The following GREB1 variants were observed in gnomAD, a reference collection of about 807,000 sequenced individuals.
The protein encoded by GREB1 is growth regulating estrogen receptor binding 1.
GREB1 carries 106 observed loss-of-function variants against 200.7 expected under a neutral mutation model. The ratio of observed to expected loss-of-function variants is 0.53; its 90% CI spans 0.45 to 0.62. The LOEUF is 0.62. Among genes scored for constraint, GREB1 ranks in the 20% least tolerant of loss-of-function variants. The pLI is 0.00. For synonymous variants in GREB1, 1,132 were observed against 1,092.4 expected, an observed-to-expected ratio of 1.04 and a Z score of -0.72; for missense variants, 2,243 against 2,556.8, an observed-to-expected ratio of 0.88 and a Z score of 2.65.
chr2:11,636,393 C>T (rs1685317502), intron 30 of GREB1, among the ~76,000 whole-genome samples: 1 of 152,200 alleles, frequency 6.6e-6, no homozygotes, highest in African/African-American at 2.4e-5. Context: ...ATTATTGAAA[C>T]ATAATCTTAA....
chr2:11,620,856 C>A (rs370293380), intron 22 of GREB1, 49 bp from the exon 23 acceptor site: 5 of 1,106,406 alleles, frequency 4.5e-6, no homozygotes, highest in Non-Finnish European at 6.9e-6. Flanking sequence ...GTGCCTGGCA[C>A]GCGGATGGGG....
chr2:11,618,973 TC>T, intron 22 of GREB1, 54 bp downstream of exon 22: 2 of 1,412,326 alleles, frequency 1.4e-6, no homozygotes, highest in Non-Finnish European at 1.9e-6. Flanking sequence ...GTCCTCACAC[TC>T]CCATCTGGAG....
In GREB1 at chr2:11,629,870, C is replaced by G. The variant is rs542240003; in HGVS notation, c.4450-78C>G. 1.4e-6 allele frequency: 2 copies of G among 1,432,864 alleles called. No homozygotes were observed. The highest frequency in any genetic ancestry group is 1.4e-5 in the African/African-American group (1 of 71,688). The allele number at this position is 1,432,864 out of a possible 1,614,324, so 88.8% of individuals were successfully genotyped here. On this transcript the variant is annotated intron_variant, in intron 25 of 32. Coordinates refer to ENST00000381486, the MANE Select transcript of GREB1 (RefSeq NM_014668.4). This position sits in a 1 kb window ranked among gnomAD's most constrained non-coding sequence, Gnocchi z 5.2. Reference sequence around the variant, plus strand: ...GGTGACTGTGAGCTGCACGTTGTCACAGCAGAGTGGGCCTGGGGTCTTCTG... The same window carrying G: ...GGTGACTGTGAGCTGCACGTTGTCAGAGCAGAGTGGGCCTGGGGTCTTCTG...
chr2:11,550,768 T>C (rs1436364804), intron 1 of GREB1, among the ~76,000 whole-genome samples: 1 of 152,212 alleles, frequency 6.6e-6, no homozygotes, highest in African/African-American at 2.4e-5. Context: ...TGCCGTGATT[T>C]TCTCTCCTGT....
At chr2:11,527,671 C>G (rs1417374119) in intron 1 of GREB1, among the ~76,000 whole-genome samples, 2 of 152,184 alleles carry the variant, frequency 1.3e-5, no homozygotes, top group African/African-American at 4.8e-5. Context: ...TTCAGTGAGG[C>G]AGCCAGGCAC....
Position 11,632,117 on chromosome 2 carries a change from A to C in GREB1, c.4816+4A>C. ...ATCTTCAACAGTGCTGGAGTTGGTGAGTGTCCTTTAACATCATCTACTCAG... is the reference window on the plus strand; with the variant it reads ...ATCTTCAACAGTGCTGGAGTTGGTGCGTGTCCTTTAACATCATCTACTCAG... On this transcript the variant is annotated splice_donor_region_variant and intron_variant, in intron 27 of 32. Coordinates refer to ENST00000381486, the MANE Select transcript of GREB1 (RefSeq NM_014668.4). 1 of 1,604,902 alleles carries C rather than the reference A, an allele frequency of 6.2e-7. No homozygotes were observed. Among genetic ancestry groups the C allele is most frequent in the Non-Finnish European group, 8.5e-7 (1 of 1,171,676 alleles).
At position 11,588,919 on chromosome 2, in the gene GREB1, C is replaced by T. The variant is rs1680445306; in HGVS notation, c.1333C>T (p.Leu445=). ...GCAGCTCCTGCTTACCGTCTACTACCTGGTCCAGCTGGGTGAGTCACCTCC... is the reference window on the plus strand; with the variant it reads ...GCAGCTCCTGCTTACCGTCTACTACTTGGTCCAGCTGGGTGAGTCACCTCC... ...EMQLLLTVYY[L]VQLAADQVPL... is the part of the protein sequence containing the mutation. Residue 445 remains leucine (L), a synonymous_variant, in exon 10 of 33, where the codon CTG becomes TTG. Transcript: ENST00000381486. 8 of 1,613,844 alleles carry T rather than the reference C, an allele frequency of 5.0e-6. No individual in the cohort carries two copies. The highest frequency in any genetic ancestry group is 6.8e-6 in the Non-Finnish European group (8 of 1,179,898).
rs988174721 is a variant in GREB1, at chr2:11,640,280, T to C, written c.5687-11T>C. ...TTTTCCCTTCCCACACCTCTGCCGT[T>C]GTCCACGCAGGTGCGACGTTGTGTG... On this transcript the variant is annotated splice_polypyrimidine_tract_variant and intron_variant, in intron 32 of 32. Coordinates refer to ENST00000381486, the MANE Select transcript of GREB1 (RefSeq NM_014668.4). This position sits in a 1 kb window ranked among gnomAD's most constrained non-coding sequence, Gnocchi z 4.6. 1 of 1,603,962 alleles carries C rather than the reference T, an allele frequency of 6.2e-7. No individual in the cohort carries two copies. Among genetic ancestry groups the C allele is most frequent in the South Asian group, 1.1e-5 (1 of 90,332 alleles).
chr2:11,629,322 G>A lies in GREB1; in HGVS notation c.4450-626G>A, dbSNP rs1226203257. ...AGCAGCACGTGCACAGATGTGGGGTGTGAGGCTCCTGGGAAGTGGAGGCTG... is the reference window on the plus strand; with the variant it reads ...AGCAGCACGTGCACAGATGTGGGGTATGAGGCTCCTGGGAAGTGGAGGCTG... On this transcript the variant is annotated intron_variant, in intron 25 of 32. Coordinates refer to ENST00000381486, the MANE Select transcript of GREB1 (RefSeq NM_014668.4). This position sits in a 1 kb window ranked among gnomAD's most constrained non-coding sequence, Gnocchi z 5.2. 2.6e-5 allele frequency among the ~76,000 whole-genome samples: 4 copies of A among 152,314 alleles called. No individual in the cohort carries two copies. The highest frequency in any genetic ancestry group is 1.9e-4 in the East Asian group (1 of 5,164).
At chr2:11,600,660 T>C (rs1681700667) in intron 15 of GREB1, 140 bp from the exon 16 acceptor site, 2 of 708,100 alleles carry the variant, frequency 2.8e-6, no homozygotes, top group Admixed American at 2.4e-5. Context: ...TTATTTTCTC[T>C]ATTCTTAGTC....
intron 1 of GREB1, among the ~76,000 whole-genome samples, chr2:11,515,937 A>G (rs953325929): frequency 6.6e-6 from 1 of 152,226 alleles, no homozygotes; most frequent in Non-Finnish European, 1.5e-5. Context: ...CAGGCAAGAC[A>G]GCACTTCGGG....
rs765938377 is a variant in GREB1 at position 11,629,923 on chromosome 2, C to T, written c.4450-25C>T. ...AAGCAGGCCGGACTCTGACGGCAAG[C>T]TCTGTCCTTTCCCCCACACCCCAGC... On this transcript the variant is annotated intron_variant, in intron 25 of 32. Transcript: ENST00000381486. This position sits in a 1 kb window ranked among gnomAD's most constrained non-coding sequence, Gnocchi z 5.2. 3 of 1,611,676 alleles carry T rather than the reference C, an allele frequency of 1.9e-6. No homozygotes were observed. In the Admixed American group the frequency reaches 5.0e-5, roughly 27 times the overall value.
intron 1 of GREB1, among the ~76,000 whole-genome samples, chr2:11,501,021 C>T (rs989505917): frequency 2.0e-5 from 3 of 152,170 alleles, no homozygotes; most frequent in African/African-American, 7.2e-5. Context: ...AGCCAGGGTC[C>T]CTTCTCAGGG....
At chr2:11,604,368 A>G (rs1168602089) in intron 17 of GREB1, among the ~76,000 whole-genome samples, 1 of 152,170 alleles carries the variant, frequency 6.6e-6, no homozygotes, top group Non-Finnish European at 1.5e-5. Flanking sequence ...TAGAGGTACT[A>G]TAAGGATTAA....
intron 1 of GREB1, among the ~76,000 whole-genome samples, chr2:11,490,547 T>A (rs1361657618): frequency 6.6e-6 from 1 of 152,136 alleles, no homozygotes; most frequent in Non-Finnish European, 1.5e-5. Flanking sequence ...TATGGAAATG[T>A]GTTTGTCTTT....
intron 1 of GREB1, among the ~76,000 whole-genome samples, chr2:11,489,038 G>T (rs1672722132): frequency 6.6e-6 from 1 of 152,142 alleles, no homozygotes; most frequent in Non-Finnish European, 1.5e-5. Context: ...CTGGCCCATA[G>T]GAGGTACTCA....
At chr2:11,490,985 C>T (rs1341412289) in intron 1 of GREB1, among the ~76,000 whole-genome samples, 1 of 152,182 alleles carries the variant, frequency 6.6e-6, no homozygotes, top group Non-Finnish European at 1.5e-5. Flanking sequence ...ACGTGTCTAC[C>T]AGCACTGTAT....
intron 10 of GREB1, chr2:11,592,053 A>G (rs920305579): frequency 1.4e-5 from 14 of 978,270 alleles, no homozygotes; most frequent in South Asian, 4.7e-5. Flanking sequence ...TGTTCTACAC[A>G]TTTACCACTG....
rs1459385065 is a variant in GREB1 at position 11,641,206 on chromosome 2, G to A, written c.*752G>A. ...GTTGACCTAAAATTAGCCTTACAAA[G>A]GAGAAAGGACCACATTGCTTACTTG... On this transcript the variant is annotated 3_prime_UTR_variant, in exon 33 of 33. Transcript: ENST00000381486. The A allele has an allele frequency of 6.6e-6, 1 of 152,060 alleles. No individual in the cohort carries two copies. The highest frequency in any genetic ancestry group is 1.5e-5 in the Non-Finnish European group (1 of 68,022). 9.4% of individuals were successfully genotyped at this position (152,060 alleles called of 1,614,324 possible). A position where few individuals can be genotyped will look rare whatever the true frequency, so the allele number is the denominator to read the frequency against.
Sources: allele counts gnomAD v4.1 joint callset (sites outside exome capture counted in the v4.1 genomes callset), GRCh38; gene constraint gnomAD v4.1.1; non-coding constraint Gnocchi (gnomAD v3.1); transcripts MANE v1.5; gene names NCBI Gene and HGNC (gene_info 2026-07-23, HGNC 2026-07-21).